Variants in LPAR1 observed in about 807,000 individuals in gnomAD.
LPAR1 encodes LPA receptor 1.
LPAR1 carries 5 observed loss-of-function variants against 23.8 expected under a neutral mutation model. The ratio of observed to expected loss-of-function variants is 0.21; its 90% confidence interval spans 0.11 to 0.44. The LOEUF is 0.44. LPAR1 is among the 20% of genes least tolerant of loss of function. LPAR1 has a pLI of 0.99. For missense variants in LPAR1, 311 were observed against 482.8 expected (o/e 0.64, Z 3.33); for synonymous variants, 160 against 164.7 (o/e 0.97, Z 0.22).
chr9:110,906,159 A>G (rs1037748065), intron 5 of LPAR1, among the ~76,000 whole-genome samples: 1 of 150,970 alleles, frequency 6.6e-6, no homozygotes, highest in Non-Finnish European at 1.5e-5. Flanking sequence ...TGTTACCTCT[A>G]AAGCCAAAAT....
At chr9:111,020,396 T>C (rs1001897017) in intron 2 of LPAR1, among the ~76,000 whole-genome samples, 3 of 152,222 alleles carry the variant, frequency 2.0e-5, no homozygotes, top group African/African-American at 7.2e-5. Context: ...GCTGGGACTT[T>C]GTCCCAAGGT....
Position 111,009,768 on chromosome 9 carries a change from A to G in LPAR1, c.-182+26354T>C, listed in dbSNP as rs1166556788. On this transcript the variant is annotated intron_variant, in intron 2 of 5. Transcript: ENST00000683809. ...TAACAGCTGCTATTTCTAGTTTTTC[A>G]GAATTTGCATGATTTGGATGATTTT... 5.3e-5 allele frequency among the ~76,000 whole-genome samples: 8 copies of G among 151,870 alleles called. No individual in the cohort carries two copies. The East Asian group carries it at 1.5e-3, about 29-fold the overall frequency.
At chr9:110,959,120 G>A (rs1807000421) in intron 4 of LPAR1, among the ~76,000 whole-genome samples, 1 of 115,584 alleles carries the variant, frequency 8.7e-6, no homozygotes, top group Non-Finnish European at 1.6e-5. Flanking sequence ...TGGTGGGAAT[G>A]TAAATTAGTA....
intron 2 of LPAR1, among the ~76,000 whole-genome samples, chr9:111,024,597 A>C (rs941422123): frequency 1.3e-5 from 2 of 149,954 alleles, no homozygotes; most frequent in Non-Finnish European, 3.0e-5. Context: ...TCTGGGATAC[A>C]TGTGCAGGTT....
At chr9:110,939,327 G>A (rs1009261294) in intron 5 of LPAR1, among the ~76,000 whole-genome samples, 14 of 152,168 alleles carry the variant, frequency 9.2e-5, no homozygotes, top group African/African-American at 2.4e-4. Flanking sequence ...AAAAGGCTAC[G>A]GTCCATTTAA....
chr9:110,916,004 C>A (rs1174704397), intron 5 of LPAR1, among the ~76,000 whole-genome samples: 2 of 74,940 alleles, frequency 2.7e-5, no homozygotes, highest in Non-Finnish European at 7.1e-5. Context: ...AGTGATATAA[C>A]CTTATGGTTA....
Position 110,993,172 on chromosome 9 carries a change from C to T in LPAR1, c.-181-19614G>A, listed in dbSNP as rs141425917. On this transcript the variant is annotated intron_variant, in intron 2 of 5. Coordinates refer to ENST00000683809, the MANE Select transcript of LPAR1 (RefSeq NM_001351411.2). The stretch of plus-strand genomic sequence containing the variant: ...TAAGTTCTAGGGTACATGTGCACCA[C>T]GTGCAGGTTTGTTACATAGGTATAC... 6.1e-3 allele frequency among the ~76,000 whole-genome samples: 925 copies of T among 152,034 alleles called. 9 individuals are homozygous for T. Among genetic ancestry groups the T allele is most frequent in the African/African-American group, 0.021 (887 of 41,474 alleles).
At chr9:111,005,404 G>T (rs990669301) in intron 2 of LPAR1, among the ~76,000 whole-genome samples, 2 of 151,448 alleles carry the variant, frequency 1.3e-5, no homozygotes, top group Non-Finnish European at 2.9e-5. Context: ...AAATTAGCTG[G>T]GTGTGGTGGT....
chr9:111,029,431 G>A (rs957018625), intron 2 of LPAR1, among the ~76,000 whole-genome samples: 1 of 151,876 alleles, frequency 6.6e-6, no homozygotes, highest in Admixed American at 6.6e-5. Context: ...CACAAGCTTC[G>A]AGATTGGTCC....
intron 5 of LPAR1, among the ~76,000 whole-genome samples, chr9:110,891,143 A>G (rs2084034626): frequency 1.3e-5 from 2 of 152,332 alleles, no homozygotes; most frequent in East Asian, 3.9e-4. Flanking sequence ...TTAATAGAAA[A>G]ACTAAAATAC....
intron 4 of LPAR1, among the ~76,000 whole-genome samples, chr9:110,945,219 C>T (rs770613944): frequency 7.9e-5 from 12 of 152,004 alleles, no homozygotes; most frequent in African/African-American, 1.2e-4. Context: ...CTTCAGGAGC[C>T]GACAGACTTA....
At chr9:111,029,615 A>C (rs1382790772) in intron 2 of LPAR1, among the ~76,000 whole-genome samples, 1 of 152,052 alleles carries the variant, frequency 6.6e-6, no homozygotes, top group Non-Finnish European at 1.5e-5. Context: ...CCATCCTCAG[A>C]TATGCAGACA....
chr9:111,032,302 A>T (rs376903208), intron 2 of LPAR1, among the ~76,000 whole-genome samples: 149 of 152,202 alleles, frequency 9.8e-4, no homozygotes, highest in African/African-American at 3.3e-3. Context: ...CCAGATCCTA[A>T]CCTTCCAGGA....
At chr9:110,953,797 C>T (rs991545983) in intron 4 of LPAR1, among the ~76,000 whole-genome samples, 12 of 152,222 alleles carry the variant, frequency 7.9e-5, no homozygotes, top group Admixed American at 2.6e-4. Context: ...GATACATCTT[C>T]AGGAAAACAT....
intron 5 of LPAR1, among the ~76,000 whole-genome samples, chr9:110,890,254 A>C (rs1564377876): frequency 1.3e-5 from 2 of 152,312 alleles, no homozygotes; most frequent in South Asian, 2.1e-4. Flanking sequence ...GATAATCTGA[A>C]TATACCCAAA....
At chr9:110,894,885 G>A (rs935897744) in intron 5 of LPAR1, among the ~76,000 whole-genome samples, 1 of 151,828 alleles carries the variant, frequency 6.6e-6, no homozygotes, top group African/African-American at 2.4e-5. Flanking sequence ...GCCAGATGCA[G>A]TGGTGCACAC....
chr9:110,990,777 A>G (rs899939049), intron 2 of LPAR1, among the ~76,000 whole-genome samples: 1 of 152,140 alleles, frequency 6.6e-6, no homozygotes, highest in Non-Finnish European at 1.5e-5. Context: ...AAACAAATCC[A>G]AAAGATGTTT....
chr9:110,915,276 C>T (rs891499336), intron 5 of LPAR1, among the ~76,000 whole-genome samples: 14 of 152,130 alleles, frequency 9.2e-5, no homozygotes, highest in African/African-American at 3.4e-4. Context: ...GTGGCTCATG[C>T]CTGTAATCCC....
intron 4 of LPAR1, among the ~76,000 whole-genome samples, chr9:110,943,288 A>G (rs1355483831): frequency 1.3e-5 from 2 of 151,708 alleles, no homozygotes; most frequent in African/African-American, 2.4e-5. Flanking sequence ...TTCACATTCT[A>G]CTTTTTCATT....
Sources: allele counts gnomAD v4.1 joint callset (sites outside exome capture counted in the v4.1 genomes callset), GRCh38; gene constraint gnomAD v4.1.1; transcripts MANE v1.5; gene names NCBI Gene and HGNC (gene_info 2026-07-23, HGNC 2026-07-21).